DNAJB1: variants seen among roughly 807,000 people sequenced by gnomAD.
DNAJB1 encodes dnaJ homolog subfamily B member 1.
In DNAJB1, 14 loss-of-function variants were observed where a neutral mutation model predicts 24.0. That is an observed-to-expected ratio of 0.58 (90% CI 0.39 to 0.91). The LOEUF (loss-of-function observed/expected upper bound fraction) is 0.91, where lower values mean the gene tolerates loss of function less well. DNAJB1 is among the 40% of genes least tolerant of loss of function. The pLI is 0.00. For synonymous variants in DNAJB1, 262 were observed against 174.4 expected (o/e 1.50, Z -3.96); for missense variants, 517 against 458.1 (o/e 1.13, Z -1.17).
At chr19:14,552,879 C>G (rs2073584096), upstream of DNAJB1, among the ~76,000 whole-genome samples, 1 of 151,996 alleles carries the variant, frequency 6.6e-6, no homozygotes. Context: ...GGGTGGCAGT[C>G]TCAGCATAGT....
At chr19:14,551,946 C>CCTCTCT (rs71166756), upstream of DNAJB1, among the ~76,000 whole-genome samples, 23 of 71,250 alleles carry the variant, frequency 3.2e-4, no homozygotes, top group African/African-American at 9.2e-4. Flanking sequence ...TCCCTCCCTC[C>CCTCTCT]CTCTCTCTCT....
At chr19:14,544,488 C>T (rs1278503752) in intron 1 of DNAJB1, among the ~76,000 whole-genome samples, 4 of 152,022 alleles carry the variant, frequency 2.6e-5, no homozygotes, top group East Asian at 1.9e-4. Context: ...TGCATGATCT[C>T]GGGGTGTGCG....
intron 1 of DNAJB1, among the ~76,000 whole-genome samples, chr19:14,549,795 T>G (rs915832338): frequency 1.3e-5 from 2 of 151,852 alleles, no homozygotes; most frequent in Non-Finnish European, 2.9e-5. Context: ...ATACAAAAAT[T>G]AGCTGGGCAT....
At chr19:14,533,951 A>G (rs1327312223), upstream of DNAJB1, 1 of 152,066 alleles carries the variant, frequency 6.6e-6, no homozygotes, top group African/African-American at 2.4e-5. Context: ...CAAAGCAATG[A>G]GCCCAGCAGC....
chr19:14,542,463 T>C (rs139855493), intron 1 of DNAJB1, among the ~76,000 whole-genome samples: 2,367 of 143,908 alleles, frequency 0.016, 51 homozygotes, highest in African/African-American at 0.053. Context: ...CCGGGTTCAA[T>C]CAATTCTCCT....
At chr19:14,529,792 TTCTGG>T, upstream of DNAJB1, 1 of 1,597,004 alleles carries the variant, frequency 6.3e-7, no homozygotes, top group South Asian at 1.1e-5. Context: ...GGACCCCACT[TTCTGG>T]TCCTGTGCCC....
chr19:14,552,441 A>G (rs182166941), upstream of DNAJB1, among the ~76,000 whole-genome samples: 6 of 152,034 alleles, frequency 3.9e-5, no homozygotes, highest in African/African-American at 1.4e-4. Flanking sequence ...TCACATGGGC[A>G]CTTCCAGGCT....
intron 1 of DNAJB1, among the ~76,000 whole-genome samples, chr19:14,545,367 A>C (rs1168511032): frequency 1.3e-5 from 2 of 152,190 alleles, no homozygotes; most frequent in Non-Finnish European, 2.9e-5. Context: ...TTTCCTCAGC[A>C]GGGTCCTCCC....
At chr19:14,529,812 G>A (rs186954160), upstream of DNAJB1, 572 of 1,561,256 alleles carry the variant, frequency 3.7e-4, 1 homozygote, top group African/African-American at 7.0e-3. Context: ...GTGCCCCGAA[G>A]GAAGAGCCAG....
At position 14,515,680 on chromosome 19, in the gene DNAJB1, G is replaced by A. The variant is rs2072244407; in HGVS notation, c.*260C>T. On this transcript the variant is annotated 3_prime_UTR_variant, in exon 3 of 3. Transcript: ENST00000254322. ...TGGAGGTGGATGTGGGCCCATCCCG[G>A]GAGGGCTGCCAGACCCAGTGGGGCA... 2 of 442,124 alleles carry A rather than the reference G, an allele frequency of 4.5e-6. No homozygotes were observed. The highest frequency in any genetic ancestry group is 4.4e-5 in the Admixed American group (1 of 22,670). The allele number at this position is 442,124 out of a possible 1,614,324, so 27.4% of individuals were successfully genotyped here. A position where few individuals can be genotyped will look rare whatever the true frequency, so the allele number is the denominator to read the frequency against.
chr19:14,555,637 T>C (rs1327501173), intron 1 of DNAJB1, among the ~76,000 whole-genome samples: 2 of 151,808 alleles, frequency 1.3e-5, no homozygotes, highest in Non-Finnish European at 2.9e-5. Context: ...CACGGGGTTT[T>C]ACCATGTTGG....
At chr19:14,522,683 G>GACACACAGACACACACACACACACACAC (rs751484199), upstream of DNAJB1, among the ~76,000 whole-genome samples, 3 of 117,868 alleles carry the variant, frequency 2.5e-5, no homozygotes, top group African/African-American at 7.0e-5. Flanking sequence ...CACACACACA[G>GACACACAGACACACACACACACACACAC]ACACACACAC....
rs184288412 is a variant in DNAJB1 at position 14,547,986 on chromosome 19, C to T, written c.-214+2222G>A. Among the ~76,000 whole-genome samples, 343 of 137,902 alleles carry T rather than the reference C, an allele frequency of 2.5e-3. 1 individual carries two copies. Among genetic ancestry groups the T allele is most frequent in the African/African-American group, 8.9e-3 (326 of 36,536 alleles). The allele number at this position is 137,902 out of a possible 152,430, so 90.5% of individuals were successfully genotyped here. On this transcript the variant is annotated intron_variant, in intron 1 of 3. Transcript: ENST00000676982. ...TTCTTTTTTTTTTTTTTTTTTGAGA[C>T]GGAGTCTCGCTCTGTCACCCAGGCT...
At chr19:14,529,780 C>T, upstream of DNAJB1, 4 of 1,607,190 alleles carry the variant, frequency 2.5e-6, no homozygotes, top group Non-Finnish European at 3.4e-6. Context: ...TGCGGGACCA[C>T]GGGACCCCAC....
chr19:14,543,419 ATTTTTTTTTTTTTTTTTT>A (rs1169742953), intron 1 of DNAJB1, among the ~76,000 whole-genome samples: 522 of 21,648 alleles, frequency 0.024, 11 homozygotes, highest in Non-Finnish European at 0.027. Flanking sequence ...ATATATATAT[ATTTTTTTTTTTTTTTTTT>A]TTTTTTTTTT....
At chr19:14,537,613 T>C (rs2072948201) in intron 1 of DNAJB1, among the ~76,000 whole-genome samples, 1 of 152,136 alleles carries the variant, frequency 6.6e-6, no homozygotes, top group Non-Finnish European at 1.5e-5. Flanking sequence ...TCAGGCTGGG[T>C]CTTAACACCT....
At chr19:14,522,677 CACACAG>C (rs1317571144), upstream of DNAJB1, among the ~76,000 whole-genome samples, 5 of 73,812 alleles carry the variant, frequency 6.8e-5, no homozygotes, top group East Asian at 1.1e-3. Flanking sequence ...CACAGACACA[CACACAG>C]ACACACACAC....
chr19:14,533,798 GTCT>G (rs1213074904), upstream of DNAJB1: 5 of 152,188 alleles, frequency 3.3e-5, no homozygotes, highest in African/African-American at 9.7e-5. Flanking sequence ...GGCTGAAGCC[GTCT>G]TCTTAGAATA....
At chr19:14,553,076 C>T (rs1263240271), upstream of DNAJB1, among the ~76,000 whole-genome samples, 2 of 152,070 alleles carry the variant, frequency 1.3e-5, no homozygotes, top group African/African-American at 4.8e-5. Flanking sequence ...CTCCAACTTC[C>T]CACTGTGTTT....
Sources: allele counts gnomAD v4.1 joint callset (sites outside exome capture counted in the v4.1 genomes callset), GRCh38; gene constraint gnomAD v4.1.1; transcripts MANE v1.5; gene names NCBI Gene and HGNC (gene_info 2026-07-23, HGNC 2026-07-21).